The following SUN1 variants were observed in gnomAD, a reference collection of about 807,000 sequenced individuals.
The protein encoded by SUN1 is SUN domain-containing protein 1.
In SUN1, 61 loss-of-function variants were observed where a neutral mutation model predicts 103.2. That is an observed-to-expected ratio of 0.59 (90% CI 0.48 to 0.73). The LOEUF (loss-of-function observed/expected upper bound fraction) is 0.73. Among genes scored for constraint, SUN1 ranks in the 30% least tolerant of loss-of-function variants. SUN1 has a pLI of 0.00. For synonymous variants in SUN1, 490 were observed against 425.7 expected (o/e 1.15, Z -1.86); for missense variants, 1,052 against 1,034.6 (o/e 1.02, Z -0.23).
At chr7:847,211 T>A (rs1041024551) in intron 5 of SUN1, among the ~76,000 whole-genome samples, 15 of 152,120 alleles carry the variant, frequency 9.9e-5, no homozygotes, top group Non-Finnish European at 1.5e-5. Context: ...CCAGCGGAGT[T>A]GGCGGCCTTC....
chr7:856,212 CT>C (rs1461817119), intron 11 of SUN1, 145 bp from the exon 12 acceptor site: 1 of 754,062 alleles, frequency 1.3e-6, no homozygotes, highest in Non-Finnish European at 2.2e-6. Flanking sequence ...TCAATGAACA[CT>C]TCCTACCTGC....
chr7:821,706 C>T (rs892231115), intron 1 of SUN1, among the ~76,000 whole-genome samples: 33 of 152,126 alleles, frequency 2.2e-4, no homozygotes, highest in Non-Finnish European at 7.3e-5. Context: ...CTTACCGCAG[C>T]GTTTCAGGGT....
At chr7:824,862 G>T (rs1451827735) in intron 1 of SUN1, among the ~76,000 whole-genome samples, 1 of 152,110 alleles carries the variant, frequency 6.6e-6, no homozygotes, top group Non-Finnish European at 1.5e-5. Flanking sequence ...GGCGGGTGCG[G>T]GGTGGGGGCG....
chr7:821,638 T>C (rs1483439196), intron 1 of SUN1, among the ~76,000 whole-genome samples: 1 of 152,126 alleles, frequency 6.6e-6, no homozygotes, highest in Non-Finnish European at 1.5e-5. Context: ...CAGGGAGTGT[T>C]TTTTTGTGGG....
chr7:828,324 T>A (rs186115532), upstream of SUN1, among the ~76,000 whole-genome samples: 22 of 152,212 alleles, frequency 1.4e-4, no homozygotes, highest in Middle Eastern at 3.4e-3. Context: ...CAGGCTGGAG[T>A]GCAGTGGTGC....
At chr7:831,460 C>T (rs60366004), upstream of SUN1, among the ~76,000 whole-genome samples, 23,853 of 151,814 alleles carry the variant, frequency 0.16, 2,073 homozygotes, top group African/African-American at 0.19. Context: ...TTAGTAGAGA[C>T]GGGGTTTCAC....
At chr7:842,444 CTTATAACTCTGTTT>C (rs1811016827) in intron 3 of SUN1, 1 of 320,360 alleles carries the variant, frequency 3.1e-6, no homozygotes, top group Non-Finnish European at 6.1e-6. Context: ...AGGTAGTAAT[CTTATAACTCTGTTT>C]TTATAAATGC....
intron 1 of SUN1, among the ~76,000 whole-genome samples, chr7:823,230 G>T (rs762542261): frequency 6.6e-6 from 1 of 152,224 alleles, no homozygotes; most frequent in Non-Finnish European, 1.5e-5. Flanking sequence ...CCGTCACAGA[G>T]TTCAAGGGCC....
chr7:821,581 C>T (rs1786074764), intron 1 of SUN1, among the ~76,000 whole-genome samples: 1 of 152,122 alleles, frequency 6.6e-6, no homozygotes, highest in Non-Finnish European at 1.5e-5. Context: ...TATAGTGTCT[C>T]CAGATTCTGA....
At chr7:848,142 C>T (rs1285646766) in intron 5 of SUN1, among the ~76,000 whole-genome samples, 1 of 149,378 alleles carries the variant, frequency 6.7e-6, no homozygotes. Flanking sequence ...CTCCGCAGTC[C>T]AGTCTCCAGG....
chr7:841,034 A>C (rs1228953766), intron 2 of SUN1, among the ~76,000 whole-genome samples: 1 of 141,796 alleles, frequency 7.1e-6, no homozygotes, highest in African/African-American at 2.7e-5. Context: ...TCCAGGTTCA[A>C]GCGATTCTCC....
rs562481247 is a variant in SUN1, at chr7:818,887, G to A, written c.-74+2214G>A. ...CTCCCCCCCTTTTTTTTTTTGAGAC[G>A]GAGTTTCGCTCTGTCGCCCAGGCTG... On this transcript the variant is annotated intron_variant, in intron 1 of 17. Coordinates refer to the SUN1 transcript ENST00000389574. 7.4e-5 allele frequency among the ~76,000 whole-genome samples: 11 copies of A among 149,396 alleles called. No individual in the cohort carries two copies. In the South Asian group the frequency reaches 8.5e-4, roughly 12 times the overall value.
intron 2 of SUN1, among the ~76,000 whole-genome samples, chr7:840,017 G>T (rs893817981): frequency 6.6e-6 from 1 of 152,224 alleles, no homozygotes; most frequent in Non-Finnish European, 1.5e-5. Flanking sequence ...CAAGATCTTT[G>T]TGCCATTTAG....
upstream of SUN1, among the ~76,000 whole-genome samples, chr7:828,106 G>A (rs918342345): frequency 6.6e-6 from 1 of 150,566 alleles, no homozygotes; most frequent in African/African-American, 2.4e-5. Flanking sequence ...GTTTCACCAT[G>A]TTGCCCAGGC....
intron 1 of SUN1, among the ~76,000 whole-genome samples, chr7:825,137 C>A (rs1029294966): frequency 6.6e-6 from 1 of 152,038 alleles, no homozygotes; most frequent in South Asian, 2.1e-4. Flanking sequence ...CAGCTCACTG[C>A]AAGCTCCACC....
intron 5 of SUN1, chr7:849,731 C>G (rs1411800794): frequency 8.7e-7 from 1 of 1,143,306 alleles, no homozygotes; most frequent in Admixed American, 1.7e-5. Flanking sequence ...TGACGACGGG[C>G]TGTTGGAGCT....
At chr7:848,436 T>A in intron 5 of SUN1, 1 of 1,360,058 alleles carries the variant, frequency 7.4e-7, no homozygotes, top group Non-Finnish European at 9.8e-7. Flanking sequence ...TCTTTCTACG[T>A]GAATAGGATT....
At chr7:854,866 G>C (rs1459255074) in intron 10 of SUN1, 54 bp from the exon 11 acceptor site, 6 of 1,418,882 alleles carry the variant, frequency 4.2e-6, no homozygotes, top group Non-Finnish European at 5.9e-6. Context: ...TGATTTGCCA[G>C]GTTTTTGTTG....
chr7:818,908 G>T (rs1237235237), intron 1 of SUN1, among the ~76,000 whole-genome samples: 4 of 150,100 alleles, frequency 2.7e-5, no homozygotes, highest in African/African-American at 9.8e-5. Flanking sequence ...CTGTCGCCCA[G>T]GCTGGAGTGC....
Sources: allele counts gnomAD v4.1 joint callset (sites outside exome capture counted in the v4.1 genomes callset), GRCh38; gene constraint gnomAD v4.1.1; transcripts MANE v1.5; gene names NCBI Gene and HGNC (gene_info 2026-07-23, HGNC 2026-07-21).